Variants in SS18L1 observed in about 807,000 individuals in gnomAD.
The protein encoded by SS18L1 is calcium-responsive transactivator.
SS18L1 carries 32 observed loss-of-function variants against 70.3 expected under a neutral mutation model. That is an observed-to-expected ratio of 0.46 (90% CI 0.34 to 0.61). SS18L1 has a LOEUF of 0.61. SS18L1 is among the 20% of genes least tolerant of loss of function. The pLI is 0.01. For missense variants in SS18L1, 430 were observed against 542.1 expected (o/e 0.79, Z 2.05); for synonymous variants, 237 against 229.7 (o/e 1.03, Z -0.29).
chr20:62,153,093 G>A (rs566234236), intron 1 of SS18L1, among the ~76,000 whole-genome samples: 13 of 152,266 alleles, frequency 8.5e-5, no homozygotes, highest in Admixed American at 2.6e-4. Context: ...GAATCATGGC[G>A]GAAGGGGAAG....
At chr20:62,150,896 C>T (rs567823368) in intron 1 of SS18L1, among the ~76,000 whole-genome samples, 1 of 152,058 alleles carries the variant, frequency 6.6e-6, no homozygotes, top group Non-Finnish European at 1.5e-5. Flanking sequence ...CCATGCCAGA[C>T]GCTTCCAGAA....
At chr20:62,144,803 T>C (rs1279191964) in intron 1 of SS18L1, among the ~76,000 whole-genome samples, 1 of 152,278 alleles carries the variant, frequency 6.6e-6, no homozygotes, top group Non-Finnish European at 1.5e-5. Context: ...CCCGTTTCAG[T>C]TGTCACAACA....
chr20:62,161,053 GGA>G lies in SS18L1; in HGVS notation c.232-381_232-380del, dbSNP rs1485203446. Among the ~76,000 whole-genome samples, 1 of 151,906 alleles carries G rather than the reference GGA, an allele frequency of 6.6e-6. No individual in the cohort carries two copies. The highest frequency in any genetic ancestry group is 1.5e-5 in the Non-Finnish European group (1 of 67,996). Reference sequence around the variant, plus strand: ...CCACCTCTGCCGAAGCTCTTGGCACGGAGGGGTCGTGGTTGGGGAGCACAGAG... The same window carrying G: ...CCACCTCTGCCGAAGCTCTTGGCACGGGGGTCGTGGTTGGGGAGCACAGAG... On this transcript the variant is annotated intron_variant, in intron 3 of 10. Coordinates refer to ENST00000331758, the MANE Select transcript of SS18L1 (RefSeq NM_198935.3). The surrounding 1 kb of genome is among the most constrained non-coding windows in gnomAD (Gnocchi z 4.4).
chr20:62,146,690 C>T (rs2057034885), intron 1 of SS18L1, among the ~76,000 whole-genome samples: 1 of 147,486 alleles, frequency 6.8e-6, no homozygotes. Context: ...GGCTCACAAC[C>T]TCCGCGCCCC....
chr20:62,147,154 G>T (rs1049735807), intron 1 of SS18L1, among the ~76,000 whole-genome samples: 1 of 152,172 alleles, frequency 6.6e-6, no homozygotes, highest in Admixed American at 6.5e-5. Context: ...AGGGTCCCGA[G>T]CCTGGCCTGC....
At chr20:62,163,368 G>C (rs2057367005) in intron 5 of SS18L1, 90 bp from the exon 6 acceptor site, 1 of 1,533,936 alleles carries the variant, frequency 6.5e-7, no homozygotes. Context: ...AAATAACGAG[G>C]AACCCGCCCG....
chr20:62,160,061 C>A, intron 3 of SS18L1, 100 bp downstream of exon 3: 1 of 1,251,854 alleles, frequency 8.0e-7, no homozygotes, highest in Non-Finnish European at 1.1e-6. Flanking sequence ...GCAAAGATGA[C>A]TCAGAGAAAC....
chr20:62,177,452 G>A (rs1267384303), intron 10 of SS18L1, among the ~76,000 whole-genome samples: 1 of 152,190 alleles, frequency 6.6e-6, no homozygotes, highest in Non-Finnish European at 1.5e-5. Context: ...ATCACAGGCA[G>A]CTCTGGGAAT....
Position 62,150,190 on chromosome 20 carries a change from G to A in SS18L1, c.69+6301G>A, listed in dbSNP as rs569170316. The stretch of plus-strand genomic sequence containing the variant: ...GACGCTCTTCTGAAACCTACACACC[G>A]ACTTCACGGATTCCACAGTTGGGTG... On this transcript the variant is annotated intron_variant, in intron 1 of 10. Transcript: ENST00000331758. Among the ~76,000 whole-genome samples, 5 of 152,364 alleles carry A rather than the reference G, an allele frequency of 3.3e-5. No individual in the cohort carries two copies. In the East Asian group the frequency reaches 7.7e-4, roughly 23 times the overall value.
In SS18L1 at chr20:62,166,847, C is replaced by T. The variant is rs576320797; in HGVS notation, c.916+1333C>T. ...GGCTGAGGCAGGAGAATTGCTTGAA[C>T]CCGGGAGGTGTAGGTTGCAGTGAGC... On this transcript the variant is annotated intron_variant, in intron 8 of 10. Transcript: ENST00000331758. Among the ~76,000 whole-genome samples the T allele has an allele frequency of 1.3e-4, 19 of 150,340 alleles. No homozygotes were observed. In the South Asian group the frequency reaches 4.1e-3, roughly 33 times the overall value.
At chr20:62,145,774 G>A (rs139892969) in intron 1 of SS18L1, among the ~76,000 whole-genome samples, 32 of 152,316 alleles carry the variant, frequency 2.1e-4, no homozygotes, top group Middle Eastern at 3.4e-3. Flanking sequence ...TGGGCTTGGT[G>A]TTTTGACGGT....
chr20:62,147,666 A>G (rs1218737035), intron 1 of SS18L1, among the ~76,000 whole-genome samples: 6 of 152,102 alleles, frequency 3.9e-5, no homozygotes, highest in African/African-American at 9.7e-5. Flanking sequence ...GGGTTGGGGA[A>G]AGGCTCTGAG....
chr20:62,171,045 G>C (rs1268207679), intron 8 of SS18L1, among the ~76,000 whole-genome samples: 1 of 151,606 alleles, frequency 6.6e-6, no homozygotes, highest in African/African-American at 2.4e-5. Flanking sequence ...GGGACTACAG[G>C]CTCCCGCCAC....
chr20:62,153,630 T>C (rs2057173038), intron 1 of SS18L1, among the ~76,000 whole-genome samples: 1 of 152,146 alleles, frequency 6.6e-6, no homozygotes, highest in African/African-American at 2.4e-5. Context: ...TGTGACTGCT[T>C]TTCCTGCCTG....
At chr20:62,152,210 T>C (rs1182079609) in intron 1 of SS18L1, among the ~76,000 whole-genome samples, 1 of 152,126 alleles carries the variant, frequency 6.6e-6, no homozygotes, top group Non-Finnish European at 1.5e-5. Flanking sequence ...CCCACGTCGG[T>C]CTTCACCCGA....
chr20:62,162,984 C>G (rs1239288592), intron 5 of SS18L1, 53 bp downstream of exon 5: 1 of 1,586,940 alleles, frequency 6.3e-7, no homozygotes, highest in African/African-American at 1.4e-5. Context: ...CTCCAAGACC[C>G]TTGACACATG....
intron 8 of SS18L1, among the ~76,000 whole-genome samples, chr20:62,170,301 C>T (rs902382600): frequency 6.6e-6 from 1 of 152,168 alleles, no homozygotes; most frequent in African/African-American, 2.4e-5. Flanking sequence ...GTCAGGAGAT[C>T]GAGACCATCG....
At chr20:62,177,954 T>C (rs1392876286) in intron 10 of SS18L1, among the ~76,000 whole-genome samples, 1 of 151,116 alleles carries the variant, frequency 6.6e-6, no homozygotes, top group East Asian at 2.0e-4. Flanking sequence ...GCTCCTGACC[T>C]CAGGTGATCC....
At position 62,158,703 on chromosome 20, in the gene SS18L1, G is replaced by A; in HGVS notation, c.101G>A (p.Cys34Tyr). 6.2e-7 allele frequency: 1 copy of A among 1,612,816 alleles called. No individual in the cohort carries two copies. Residue 34 changes from cysteine to tyrosine, a missense_variant, in exon 2 of 11, where the codon TGC (cysteine) becomes TAC (tyrosine). Transcript: ENST00000331758. This position sits in a 1 kb window ranked among gnomAD's most constrained non-coding sequence, Gnocchi z 4.5. The stretch of plus-strand genomic sequence containing the variant: ...GACGAGAACCACCACCTGATCCAGT[G>A]CATCCTGGAGTACCAGAGCAAGGGC... ...MLDENHHLIQ[C>Y]ILEYQSKGKT...
Sources: allele counts gnomAD v4.1 joint callset (sites outside exome capture counted in the v4.1 genomes callset), GRCh38; gene constraint gnomAD v4.1.1; non-coding constraint Gnocchi (gnomAD v3.1); transcripts MANE v1.5; gene names NCBI Gene and HGNC (gene_info 2026-07-23, HGNC 2026-07-21).